The following MANSC4 variants were observed in gnomAD, a reference collection of about 807,000 sequenced individuals.
MANSC4 encodes the protein MANSC domain-containing protein 4.
Under a neutral mutation model 11.4 loss-of-function variants are expected in MANSC4, and 11 were observed. That is an observed-to-expected ratio of 0.97 (90% CI 0.61 to 1.60). MANSC4 has a LOEUF of 1.60. Ranked by LOEUF, MANSC4 falls within the 40% of genes most tolerant of loss-of-function variation. The pLI is 0.00. For synonymous variants in MANSC4, 123 were observed against 147.1 expected, an observed-to-expected ratio of 0.84 and a Z score of 1.19; for missense variants, 354 against 404.6, an observed-to-expected ratio of 0.88 and a Z score of 1.07.
intron 2 of MANSC4, among the ~76,000 whole-genome samples, chr12:27,767,773 C>T (rs1322440570): frequency 6.6e-6 from 1 of 152,140 alleles, no homozygotes. Flanking sequence ...TCTCAGAATA[C>T]TAAGGGGCTG....
Position 27,763,487 on chromosome 12 carries a change from G to A in MANSC4, c.365-91C>T, listed in dbSNP as rs149897377. ...TTTGGAGAAGGGGTTGGCTTTTGCC[G>A]CTATGAGTTATCGAACGAAGCTAAA... On this transcript the variant is annotated intron_variant, in intron 3 of 3. Coordinates refer to ENST00000381273, the MANE Select transcript of MANSC4 (RefSeq NM_001146221.5). 1.9e-4 allele frequency: 236 copies of A among 1,222,662 alleles called. 1 individual carries two copies. The African/African-American group carries it at 2.9e-3, about 15-fold the overall frequency. The allele number at this position is 1,222,662 out of a possible 1,614,324, so 75.7% of individuals were successfully genotyped here.
chr12:27,766,319 G>A (rs2062072210), intron 3 of MANSC4, among the ~76,000 whole-genome samples: 1 of 152,112 alleles, frequency 6.6e-6, no homozygotes, highest in African/African-American at 2.4e-5. Flanking sequence ...GCCCACCTTG[G>A]CCTCCCAAAG....
At chr12:27,779,635 C>T (rs1212871784) in intron 1 of MANSC4, among the ~76,000 whole-genome samples, 1 of 152,202 alleles carries the variant, frequency 6.6e-6, no homozygotes, top group African/African-American at 2.4e-5. Flanking sequence ...CACTCGATGC[C>T]GGACTGGGCC....
At chr12:27,768,518 A>G (rs1428930624) in intron 2 of MANSC4, among the ~76,000 whole-genome samples, 2 of 152,178 alleles carry the variant, frequency 1.3e-5, no homozygotes, top group Non-Finnish European at 2.9e-5. Context: ...GAAAACCTGA[A>G]GCAGATTTGT....
Position 27,780,198 on chromosome 12 carries a change from G to A in MANSC4, c.-307+12C>T, listed in dbSNP as rs1470076513. The A allele has an allele frequency of 4.6e-6, 3 of 651,466 alleles. No homozygotes were observed. The highest frequency in any genetic ancestry group is 1.9e-5 in the African/African-American group (1 of 51,854). 40.4% of individuals were successfully genotyped at this position (651,466 alleles called of 1,614,324 possible). A position where few individuals can be genotyped will look rare whatever the true frequency, so the allele number is the denominator to read the frequency against. Reference sequence around the variant, plus strand: ...CCGCCGGAGAGGCCGGGCGAGCGCGGGCGGCCCTCACCTCGCCGCTCCTCC... The same window carrying A: ...CCGCCGGAGAGGCCGGGCGAGCGCGAGCGGCCCTCACCTCGCCGCTCCTCC... On this transcript the variant is annotated intron_variant, in intron 1 of 3. Transcript: ENST00000381273. The surrounding 1 kb of genome is among the most constrained non-coding windows in gnomAD (Gnocchi z 8.8).
chr12:27,762,963 A>G lies in MANSC4; in HGVS notation c.798T>C (p.Asn266=), dbSNP rs368933330. ...CATTTGCAGATGTGTGGTTTCTGCTATTGTATCCTTTGGTTTTGTTTAGTA... is the reference window on the plus strand; with the variant it reads ...CATTTGCAGATGTGTGGTTTCTGCTGTTGTATCCTTTGGTTTTGTTTAGTA... The part of the protein sequence containing the change: ...KQLLNKTKGY[N]SRNHTSANED... The change falls in exon 4 of 4, where the codon AAT becomes AAC. Residue 266 remains asparagine (N), a synonymous_variant. Coordinates refer to ENST00000381273, the MANE Select transcript of MANSC4 (RefSeq NM_001146221.5). The G allele has an allele frequency of 1.7e-4, 267 of 1,551,810 alleles. 2 individuals carry two copies. In the African/African-American group the frequency reaches 3.3e-3, roughly 19 times the overall value.
intron 1 of MANSC4, among the ~76,000 whole-genome samples, chr12:27,778,225 CAA>C (rs34172632): frequency 2.4e-4 from 33 of 134,964 alleles, no homozygotes; most frequent in Non-Finnish European, 2.7e-4. Flanking sequence ...AACTCTGTCT[CAA>C]AAAAAAAAAA....
chr12:27,764,261 A>G (rs1033956571), intron 3 of MANSC4, among the ~76,000 whole-genome samples: 4 of 152,034 alleles, frequency 2.6e-5, no homozygotes, highest in Non-Finnish European at 4.4e-5. Flanking sequence ...CAGCTTTCCA[A>G]TGGTCCCTGC....
intron 1 of MANSC4, among the ~76,000 whole-genome samples, chr12:27,775,304 C>G (rs946181573): frequency 2.0e-5 from 3 of 152,052 alleles, no homozygotes; most frequent in African/African-American, 7.2e-5. Flanking sequence ...TTGGCTGGTG[C>G]GGTGGCTCAC....
chr12:27,769,992 A>G (rs11049128), intron 2 of MANSC4, among the ~76,000 whole-genome samples: 24,981 of 152,304 alleles, frequency 0.16, 2,554 homozygotes, highest in Non-Finnish European at 0.23. Flanking sequence ...GATGAAGTCT[A>G]CACGCAGATT....
In MANSC4 at chr12:27,762,672, C is replaced by G. The variant is rs1565475239; in HGVS notation, c.*66G>C. The stretch of plus-strand genomic sequence containing the variant: ...AGCCTATTTTTTTTTTTTAACCAAA[C>G]TGCGTTTTCTTACACAAAACTAAAA... On this transcript the variant is annotated 3_prime_UTR_variant, in exon 4 of 4. Transcript: ENST00000381273. 5.2e-6 allele frequency: 7 copies of G among 1,349,104 alleles called. No homozygotes were observed. In the South Asian group the frequency reaches 9.9e-5, roughly 19 times the overall value. 83.6% of individuals were successfully genotyped at this position (1,349,104 alleles called of 1,614,324 possible).
intron 1 of MANSC4, among the ~76,000 whole-genome samples, chr12:27,777,357 G>A (rs1242424030): frequency 6.6e-6 from 1 of 152,218 alleles, no homozygotes; most frequent in Admixed American, 6.5e-5. Context: ...CTGACCCACT[G>A]AATCTGGCAT....
chr12:27,767,533 G>A lies in MANSC4; in HGVS notation c.230-734C>T, dbSNP rs577593150. Among the ~76,000 whole-genome samples, 241 of 152,082 alleles carry A rather than the reference G, an allele frequency of 1.6e-3. 1 individual carries two copies. The highest frequency in any genetic ancestry group is 5.6e-3 in the African/African-American group (232 of 41,472). On this transcript the variant is annotated intron_variant, in intron 2 of 3. Coordinates refer to ENST00000381273, the MANE Select transcript of MANSC4 (RefSeq NM_001146221.5). ...AGCCTGACCAACATGGAGAAACCCC[G>A]TGTCTACTAAAAATACAAAATTAGC...
chr12:27,775,558 C>T (rs1405378222), intron 1 of MANSC4, among the ~76,000 whole-genome samples: 1 of 152,064 alleles, frequency 6.6e-6, no homozygotes, highest in African/African-American at 2.4e-5. Context: ...ATGGTCTATA[C>T]ATTTTATTTA....
intron 3 of MANSC4, among the ~76,000 whole-genome samples, chr12:27,765,827 T>C (rs564563912): frequency 2.6e-5 from 4 of 152,320 alleles, no homozygotes; most frequent in African/African-American, 9.6e-5. Context: ...AAAAATCTGT[T>C]CTTTTATGGT....
chr12:27,764,908 A>C (rs554695289), intron 3 of MANSC4, among the ~76,000 whole-genome samples: 10 of 152,134 alleles, frequency 6.6e-5, no homozygotes, highest in Non-Finnish European at 1.0e-4. Context: ...TGCAATCATA[A>C]CTAACTGTAA....
At chr12:27,766,959 T>A (rs2062074999) in intron 2 of MANSC4, among the ~76,000 whole-genome samples, 160 bp from the exon 3 acceptor site, 1 of 152,232 alleles carries the variant, frequency 6.6e-6, no homozygotes, top group African/African-American at 2.4e-5. Context: ...CTATTGTAAC[T>A]GCTTCTGTGA....
chr12:27,777,606 G>GT (rs2062123951), intron 1 of MANSC4, among the ~76,000 whole-genome samples: 1 of 152,216 alleles, frequency 6.6e-6, no homozygotes, highest in Admixed American at 6.5e-5. Context: ...AGTTTTATCA[G>GT]TAACGATTTA....
At chr12:27,768,431 AAAAG>A (rs1241029372) in intron 2 of MANSC4, among the ~76,000 whole-genome samples, 2 of 150,688 alleles carry the variant, frequency 1.3e-5, no homozygotes, top group African/African-American at 2.4e-5. Context: ...AAGAAAAAGA[AAAAG>A]AAAAAGAAAA....
Sources: allele counts gnomAD v4.1 joint callset (sites outside exome capture counted in the v4.1 genomes callset), GRCh38; gene constraint gnomAD v4.1.1; non-coding constraint Gnocchi (gnomAD v3.1); transcripts MANE v1.5; gene names NCBI Gene and HGNC (gene_info 2026-07-23, HGNC 2026-07-21).